TKFC: variants seen among roughly 807,000 people sequenced by gnomAD.
The protein encoded by TKFC is triokinase/FMN cyclase.
TKFC carries 46 observed loss-of-function variants against 61.0 expected under a neutral mutation model. The observed-to-expected ratio is 0.75, with a 90% confidence interval of 0.60 to 0.96. TKFC has a LOEUF of 0.96. TKFC is among the 50% of genes least tolerant of loss of function. The probability of loss-of-function intolerance (pLI) is 0.00; values close to 1 mark genes in which losing one functional copy is unlikely to be tolerated. For missense variants in TKFC, 715 were observed against 777.5 expected (o/e 0.92, Z 0.96); for synonymous variants, 314 against 330.1 (o/e 0.95, Z 0.53).
chr11:61,337,806 C>A, intron 2 of TKFC, 135 bp from the exon 3 acceptor site: 1 of 763,294 alleles, frequency 1.3e-6, no homozygotes, highest in Non-Finnish European at 2.0e-6. Context: ...TGTCGCCCAA[C>A]TCAAGGAAGT....
intron 5 of TKFC, among the ~76,000 whole-genome samples, chr11:61,340,669 T>C (rs1322579979): frequency 6.7e-6 from 1 of 148,914 alleles, no homozygotes; most frequent in Non-Finnish European, 1.5e-5. Context: ...CTTCCTCTTA[T>C]GGTCTCTTCA....
chr11:61,342,879 C>T, intron 10 of TKFC, 35 bp downstream of exon 10: 1 of 1,605,832 alleles, frequency 6.2e-7, no homozygotes, highest in Non-Finnish European at 8.5e-7. Context: ...TCCTACAGCC[C>T]TTTGGAAAGG....
At position 61,346,456 on chromosome 11, in the gene TKFC, G is replaced by T; in HGVS notation, c.1681G>T (p.Ala561Ser). The T allele has an allele frequency of 6.2e-7, 1 of 1,610,208 alleles. No individual in the cohort carries two copies. Among genetic ancestry groups the T allele is most frequent in the Non-Finnish European group, 8.5e-7 (1 of 1,179,468 alleles). The part of the protein sequence containing the change: ...RLEQPDPGAV[A>S]AAAILRAILE... ...GGAGCAGCCAGACCCCGGGGCGGTG[G>T]CAGCTGCTGCCATCCTCCGGGCCAT... The change falls in exon 18 of 18, where the codon GCA becomes TCA. Residue 561 changes from alanine to serine, a missense_variant. Ala to Ser is a moderately conservative substitution (Grantham distance 99). Transcript: ENST00000394900. This position sits in a 1 kb window ranked among gnomAD's most constrained non-coding sequence, Gnocchi z 4.1.
rs1856910595 is a variant in TKFC, at chr11:61,342,628, A to G, written c.745A>G (p.Thr249Ala). ...CATGCTCGACCACATGACAAACACC[A>G]CCAACGCGTCCCATGTGCCTGTGCA... ...KLMLDHMTNT[T>A]NASHVPVQPG... The change falls in exon 9 of 18, where the codon ACC becomes GCC. Residue 249 changes from threonine to alanine, a missense_variant. Coordinates refer to ENST00000394900, the MANE Select transcript of TKFC (RefSeq NM_015533.4). 6.2e-7 allele frequency: 1 copy of G among 1,613,894 alleles called. No homozygotes were observed. The highest frequency in any genetic ancestry group is 1.7e-5 in the Admixed American group (1 of 60,004).
At position 61,346,379 on chromosome 11, in the gene TKFC, A is replaced by C. The variant is rs760838954; in HGVS notation, c.1604A>C (p.Lys535Thr). 1 of 1,612,864 alleles carries C rather than the reference A, an allele frequency of 6.2e-7. No homozygotes were observed. Among genetic ancestry groups the C allele is most frequent in the Middle Eastern group, 1.6e-4 (1 of 6,062 alleles). The change falls in exon 18 of 18, where the codon AAG becomes ACG. Residue 535 changes from lysine (K) to threonine (T), a missense_variant. By Grantham distance (78) the Lys-to-Thr change is moderately conservative. Transcript: ENST00000394900. The surrounding 1 kb of genome is among the most constrained non-coding windows in gnomAD (Gnocchi z 4.1). ...KSAEAAAEAT[K>T]NMEAGAGRAS... Reference sequence around the variant, plus strand: ...GCCGAAGCTGCAGCCGAGGCCACCAAGAATATGGAAGCTGGAGCCGGAAGA... The same window carrying C: ...GCCGAAGCTGCAGCCGAGGCCACCACGAATATGGAAGCTGGAGCCGGAAGA...
rs761711882 is a variant in TKFC, at chr11:61,339,400, C to G, written c.451C>G (p.Arg151Gly). ...CTTCACTGTCCTGAAGAAGGCAGGC[C>G]GGCGGGGGCTGTGCGGCACGGTGCT... ...SAFTVLKKAG[R>G]RGLCGTVLIH... Residue 151 changes from arginine (R) to glycine (G), a missense_variant, in exon 5 of 18, where the codon CGG becomes GGG. By Grantham distance (125) the Arg-to-Gly change is moderately radical. Transcript: ENST00000394900. 6.2e-7 allele frequency: 1 copy of G among 1,612,942 alleles called. No homozygotes were observed. Among genetic ancestry groups the G allele is most frequent in the Admixed American group, 1.7e-5 (1 of 59,988 alleles).
rs192410770 is a variant in TKFC at position 61,347,029 on chromosome 11, C to G, written c.*526C>G. 1 of 986,214 alleles carries G rather than the reference C, an allele frequency of 1.0e-6. No individual in the cohort carries two copies. The highest frequency in any genetic ancestry group is 1.1e-4 in the East Asian group (1 of 8,820). 61.1% of individuals were successfully genotyped at this position (986,214 alleles called of 1,614,324 possible). On this transcript the variant is annotated 3_prime_UTR_variant, in exon 18 of 18. Transcript: ENST00000394900. ...TCTTCTACCAGGCAGATCTTTATTA[C>G]CTGAGCCCCTAAGGCAGTGTCTCCT...
chr11:61,343,301 C>A (rs374432770), intron 10 of TKFC, 41 bp from the exon 11 acceptor site: 6 of 1,562,106 alleles, frequency 3.8e-6, no homozygotes, highest in Non-Finnish European at 5.3e-6. Context: ...TTCCCTGATG[C>A]CCATTTTTCC....
chr11:61,341,630 C>G (rs1856859761), intron 6 of TKFC, 116 bp downstream of exon 6: 31 of 1,312,426 alleles, frequency 2.4e-5, no homozygotes, highest in Middle Eastern at 2.1e-4. Flanking sequence ...CCCCAGGGGT[C>G]TAGGGAGTGT....
chr11:61,350,817 G>A, downstream of TKFC: 4 of 857,524 alleles, frequency 4.7e-6, no homozygotes, highest in Non-Finnish European at 6.9e-6. Context: ...TCACTGGGAT[G>A]CGCTGGTTTG....
Position 61,347,132 on chromosome 11 carries a change from AG to A in TKFC, c.*633del. The A allele has an allele frequency of 2.0e-6, 2 of 985,436 alleles. No individual in the cohort carries two copies. The highest frequency in any genetic ancestry group is 2.4e-6 in the Non-Finnish European group (2 of 829,978). The allele number at this position is 985,436 out of a possible 1,614,324, so 61.0% of individuals were successfully genotyped here. On this transcript the variant is annotated 3_prime_UTR_variant, in exon 18 of 18. Transcript: ENST00000394900. ...CACCTGATGCATGTAAGAATGGTAG[AG>A]GGGCTTTTCTTAGCATTGAATTAAT... is the stretch of plus-strand genomic sequence containing the variant.
At position 61,344,195 on chromosome 11, in the gene TKFC, C is replaced by A; in HGVS notation, c.1162C>A (p.Leu388Met). Residue 388 changes from leucine to methionine, a missense_variant, in exon 13 of 18, where the codon CTG becomes ATG. Leu to Met is a conservative substitution (Grantham distance 15, BLOSUM62 2). Coordinates refer to ENST00000394900, the MANE Select transcript of TKFC (RefSeq NM_015533.4). The stretch of plus-strand genomic sequence containing the variant: ...ACGGGTGTGCAGCACTCTCCTGGGC[C>A]TGGAGGAACACCTGAATGCCCTGGA... ...LERVCSTLLGLEEHLNALDRA... is the reference protein window; with the variant it reads ...LERVCSTLLGMEEHLNALDRA... 2 of 1,612,704 alleles carry A rather than the reference C, an allele frequency of 1.2e-6. No individual in the cohort carries two copies. The highest frequency in any genetic ancestry group is 1.7e-6 in the Non-Finnish European group (2 of 1,180,022).
intron 3 of TKFC, among the ~76,000 whole-genome samples, chr11:61,338,461 C>T (rs899015689): frequency 1.3e-5 from 2 of 152,194 alleles, no homozygotes; most frequent in Non-Finnish European, 2.9e-5. Context: ...TTCCAGCCTA[C>T]AGCAGCACCC....
chr11:61,335,491 C>T, intron 2 of TKFC: 1 of 152,572 alleles, frequency 6.6e-6, no homozygotes, highest in Non-Finnish European at 1.5e-5. Flanking sequence ...GAGGGTAGTG[C>T]TGCTGGAGGC....
In TKFC at chr11:61,346,549, C is replaced by T; in HGVS notation, c.*46C>T. 5.3e-6 allele frequency: 8 copies of T among 1,496,798 alleles called. No individual in the cohort carries two copies. Among genetic ancestry groups the T allele is most frequent in the Non-Finnish European group, 7.1e-6 (8 of 1,124,208 alleles). The allele number at this position is 1,496,798 out of a possible 1,614,324, so 92.7% of individuals were successfully genotyped here. A position where few individuals can be genotyped will look rare whatever the true frequency, so the allele number is the denominator to read the frequency against. On this transcript the variant is annotated 3_prime_UTR_variant, in exon 18 of 18. Transcript: ENST00000394900. The surrounding 1 kb of genome is among the most constrained non-coding windows in gnomAD (Gnocchi z 4.1). ...GGCCTCAGCTCCTCTCACTGCTGTG[C>T]TGAGGTGGCCTTTGTCACTTCCTTC...
chr11:61,333,807 C>G (rs1856488605), intron 1 of TKFC: 1 of 152,234 alleles, frequency 6.6e-6, no homozygotes, highest in Non-Finnish European at 1.5e-5. Context: ...TCCCCGGGAA[C>G]AAGAGGAATA....
chr11:61,353,326 G>C, downstream of TKFC: 1 of 734,580 alleles, frequency 1.4e-6, no homozygotes, highest in Non-Finnish European at 2.2e-6. Flanking sequence ...AACAAGAACA[G>C]TAAATGACAT....
intron 3 of TKFC, among the ~76,000 whole-genome samples, 168 bp from the exon 4 acceptor site, chr11:61,338,898 C>CT (rs777121451): frequency 2.6e-5 from 4 of 152,140 alleles, no homozygotes; most frequent in Non-Finnish European, 5.9e-5. Context: ...GAAGGCCTCT[C>CT]TAAGATGCCT....
At chr11:61,350,467 G>A (rs1021583073), downstream of TKFC, 2 of 1,606,394 alleles carry the variant, frequency 1.2e-6, no homozygotes, top group Non-Finnish European at 1.7e-6. Flanking sequence ...CATGATGCAG[G>A]AGTCACACCA....
Sources: gnomAD v4.1 joint callset for allele counts (sites outside exome capture counted in the v4.1 genomes callset) on GRCh38, gnomAD v4.1.1 for gene constraint, Gnocchi (gnomAD v3.1) non-coding constraint, MANE v1.5 for transcripts, NCBI Gene and HGNC (gene_info 2026-07-23, HGNC 2026-07-21) for gene names.